Variants in TNS3 observed in about 807,000 individuals in gnomAD.
TNS3 encodes the protein tensin 3.
A neutral mutation model predicts 140.9 loss-of-function variants in TNS3; 45 were observed. The ratio of observed to expected loss-of-function variants is 0.32; its 90% CI spans 0.25 to 0.41. The LOEUF (loss-of-function observed/expected upper bound fraction) is 0.41, where lower values mean the gene tolerates loss of function less well. Among genes scored for constraint, TNS3 ranks in the 10% least tolerant of loss-of-function variants. The pLI is 1.00. For synonymous variants in TNS3, 815 were observed against 788.4 expected (o/e 1.03, Z -0.56); for missense variants, 1,716 against 1,906.7 (o/e 0.90, Z 1.86).
intron 1 of TNS3, among the ~76,000 whole-genome samples, chr7:47,553,028 C>T (rs1016227469): frequency 2.0e-5 from 3 of 152,250 alleles, no homozygotes; most frequent in Non-Finnish European, 4.4e-5. Flanking sequence ...CCACCACATT[C>T]CCTTAAGCCA....
intron 20 of TNS3, among the ~76,000 whole-genome samples, chr7:47,315,649 C>T (rs977534673): frequency 2.4e-4 from 37 of 152,320 alleles, no homozygotes; most frequent in Middle Eastern, 6.8e-3. Context: ...GCTCGCTCTT[C>T]GGAAGCCTTA....
chr7:47,391,522 G>A (rs1304585203), intron 16 of TNS3, among the ~76,000 whole-genome samples: 1 of 152,190 alleles, frequency 6.6e-6, no homozygotes, highest in East Asian at 1.9e-4. Flanking sequence ...AGGGAATGAG[G>A]CTTATGAGAG....
chr7:47,280,332 G>C lies in TNS3; in HGVS notation c.4120C>G (p.Pro1374Ala), dbSNP rs1408646591. Reference protein sequence around the residue: ...QRKLFFRRHYPVNSVIFCALD... With the variant: ...QRKLFFRRHYAVNSVIFCALD... ...GCACAGAAAATCACACTGTTCACGG[G>C]GTAATGCCTCCGGAAGAAGAGCCTG... Residue 1374 changes from proline (P) to alanine (A), a missense_variant, in exon 29 of 31, where the codon CCC (proline) becomes GCC (alanine). Transcript: ENST00000311160. 1.2e-6 allele frequency: 2 copies of C among 1,614,126 alleles called. No individual in the cohort carries two copies. The highest frequency in any genetic ancestry group is 8.5e-7 in the Non-Finnish European group (1 of 1,180,026).
intron 17 of TNS3, among the ~76,000 whole-genome samples, chr7:47,356,903 C>G (rs1222919999): frequency 6.8e-6 from 1 of 147,614 alleles, no homozygotes; most frequent in Non-Finnish European, 1.5e-5. Flanking sequence ...ATGATGAAAC[C>G]CAGTCTCTAC....
chr7:47,305,606 G>T (rs1786704686), intron 20 of TNS3, among the ~76,000 whole-genome samples: 2 of 152,244 alleles, frequency 1.3e-5, no homozygotes, highest in South Asian at 4.1e-4. Flanking sequence ...AAACCCCGCT[G>T]CTTCAAAGGC....
chr7:47,390,529 C>T (rs1022192103), intron 16 of TNS3, among the ~76,000 whole-genome samples: 22 of 152,192 alleles, frequency 1.4e-4, no homozygotes, highest in Non-Finnish European at 3.1e-4. Context: ...ATGGGAGCCC[C>T]AAAGCGTGGA....
At chr7:47,532,801 T>C (rs1214749164) in intron 1 of TNS3, among the ~76,000 whole-genome samples, 1 of 152,024 alleles carries the variant, frequency 6.6e-6, no homozygotes. Flanking sequence ...ATTCATGAAG[T>C]GGATATAATA....
At chr7:47,502,294 A>G (rs553388067) in intron 3 of TNS3, among the ~76,000 whole-genome samples, 183 of 152,334 alleles carry the variant, frequency 1.2e-3, no homozygotes, top group African/African-American at 4.2e-3. Flanking sequence ...GGCTCTTAGC[A>G]TGCAGAGAAA....
At chr7:47,474,635 CAA>C (rs1491203939) in intron 4 of TNS3, among the ~76,000 whole-genome samples, 9 of 149,002 alleles carry the variant, frequency 6.0e-5, no homozygotes, top group Non-Finnish European at 1.3e-4. Context: ...ACTTCACACA[CAA>C]CACACACCAC....
At chr7:47,546,287 C>T (rs1799919154) in intron 1 of TNS3, among the ~76,000 whole-genome samples, 1 of 152,228 alleles carries the variant, frequency 6.6e-6, no homozygotes, top group African/African-American at 2.4e-5. Flanking sequence ...CCACTTGTCT[C>T]ACGTGGCGTC....
At chr7:47,440,344 C>T (rs1169486938) in intron 5 of TNS3, among the ~76,000 whole-genome samples, 3 of 152,114 alleles carry the variant, frequency 2.0e-5, no homozygotes, top group African/African-American at 7.2e-5. Context: ...TATCAGAAGG[C>T]TAAGAGCTCC....
chr7:47,362,604 G>C (rs1007599845), intron 17 of TNS3, among the ~76,000 whole-genome samples: 1 of 152,190 alleles, frequency 6.6e-6, no homozygotes, highest in African/African-American at 2.4e-5. Flanking sequence ...GGGGTGCAGA[G>C]TCAGAGAGAC....
At chr7:47,370,037 C>T (rs1166931687) in intron 16 of TNS3, among the ~76,000 whole-genome samples, 1 of 152,214 alleles carries the variant, frequency 6.6e-6, no homozygotes, top group Non-Finnish European at 1.5e-5. Context: ...ACCTGTCTAA[C>T]ATTTGTTGAG....
chr7:47,529,171 G>C lies in TNS3; in HGVS notation c.-264-24C>G, dbSNP rs186273006. ...GGCTGAAAAAGTAAAGGAAGAAATT[G>C]TCAACGTTTCATCTCATAGTTTGTT... On this transcript the variant is annotated intron_variant, in intron 1 of 30. Coordinates refer to ENST00000311160, the MANE Select transcript of TNS3 (RefSeq NM_022748.12). The C allele has an allele frequency of 6.7e-5, 78 of 1,172,668 alleles. No individual in the cohort carries two copies. In the Admixed American group the frequency reaches 1.2e-3, roughly 18 times the overall value. 72.6% of individuals were successfully genotyped at this position (1,172,668 alleles called of 1,614,324 possible).
intron 4 of TNS3, among the ~76,000 whole-genome samples, chr7:47,473,713 G>C (rs1797050743): frequency 6.6e-6 from 1 of 152,122 alleles, no homozygotes; most frequent in Admixed American, 6.5e-5. Flanking sequence ...TGCAGGCTGG[G>C]GCCGGCAGAA....
At chr7:47,381,190 GCA>G (rs1791735435) in intron 16 of TNS3, among the ~76,000 whole-genome samples, 1 of 152,210 alleles carries the variant, frequency 6.6e-6, no homozygotes, top group South Asian at 2.1e-4. Flanking sequence ...AGCTTACAAA[GCA>G]CAGTTTCAGC....
chr7:47,476,917 C>T (rs1797215854), intron 4 of TNS3, among the ~76,000 whole-genome samples: 1 of 152,242 alleles, frequency 6.6e-6, no homozygotes, highest in African/African-American at 2.4e-5. Flanking sequence ...TCACATCCCA[C>T]TTTTGTAAGC....
At chr7:47,507,095 A>G (rs1047299991) in intron 2 of TNS3, among the ~76,000 whole-genome samples, 151 bp from the exon 3 acceptor site, 1 of 152,196 alleles carries the variant, frequency 6.6e-6, no homozygotes, top group African/African-American at 2.4e-5. Context: ...TTTACATATG[A>G]CACACGGCAG....
At position 47,369,102 on chromosome 7, in the gene TNS3, C is replaced by G. The variant is rs974261003; in HGVS notation, c.1544G>C (p.Ser515Thr). ...AHLGPFTCHK[S>T]SQNSLLSDGF... The stretch of plus-strand genomic sequence containing the variant: ...GTCAGATAGGAGTGAGTTCTGGCTG[C>G]TCTTGTGGCAGGTGAAGGGACCCAG... The change falls in exon 17 of 31, where the codon AGC becomes ACC. Residue 515 changes from serine (S) to threonine (T), a missense_variant. Ser to Thr is a moderately conservative substitution (Grantham distance 58, BLOSUM62 1). Transcript: ENST00000311160. 5 of 1,614,036 alleles carry G rather than the reference C, an allele frequency of 3.1e-6. No homozygotes were observed. In the African/African-American group the frequency reaches 4.0e-5, roughly 13 times the overall value.
Sources: allele counts gnomAD v4.1 joint callset (sites outside exome capture counted in the v4.1 genomes callset), GRCh38; gene constraint gnomAD v4.1.1; transcripts MANE v1.5; gene names NCBI Gene and HGNC (gene_info 2026-07-23, HGNC 2026-07-21).